The following CDH23 variants were observed in gnomAD, a reference collection of about 807,000 sequenced individuals.
The protein encoded by CDH23 is cadherin related 23.
CDH23 carries 189 observed loss-of-function variants against 317.1 expected under a neutral mutation model. That is an observed-to-expected ratio of 0.60 (90% CI 0.53 to 0.67). The LOEUF (loss-of-function observed/expected upper bound fraction) is 0.67, where lower values mean the gene tolerates loss of function less well. CDH23 is among the 30% of genes least tolerant of loss of function. The pLI is 0.00. For synonymous variants in CDH23, 1,839 were observed against 1,876.8 expected, an observed-to-expected ratio of 0.98 and a Z score of 0.52; for missense variants, 4,401 against 4,592.4, an observed-to-expected ratio of 0.96 and a Z score of 1.20.
intron 11 of CDH23, 100 bp downstream of exon 11, chr10:71,617,493 C>T (rs1232568962): frequency 2.0e-6 from 3 of 1,525,626 alleles, no homozygotes; most frequent in South Asian, 2.4e-5. Flanking sequence ...TAGAAACAAA[C>T]ATTGCGGCAC....
At chr10:71,556,111 A>G (rs939851841) in intron 6 of CDH23, among the ~76,000 whole-genome samples, 2 of 152,210 alleles carry the variant, frequency 1.3e-5, no homozygotes, top group African/African-American at 4.8e-5. Context: ...GAATAGCTGA[A>G]CTGAAATCGA....
chr10:71,493,446 G>A (rs925182646), intron 3 of CDH23, among the ~76,000 whole-genome samples: 20 of 152,210 alleles, frequency 1.3e-4, no homozygotes, highest in East Asian at 3.9e-4. Flanking sequence ...TCATCTGTCC[G>A]TCTGTCCATC....
intron 1 of CDH23, among the ~76,000 whole-genome samples, chr10:71,416,468 T>C (rs574656887): frequency 6.6e-6 from 1 of 152,358 alleles, no homozygotes; most frequent in East Asian, 1.9e-4. Flanking sequence ...GTATATATAT[T>C]TTACATCCAT....
intron 6 of CDH23, among the ~76,000 whole-genome samples, chr10:71,514,988 C>T (rs571835888): frequency 2.6e-5 from 4 of 152,376 alleles, no homozygotes; most frequent in East Asian, 1.9e-4. Flanking sequence ...GTGCCCGCCT[C>T]GCTGACCTTC....
At position 71,797,818 on chromosome 10, in the gene CDH23, C is replaced by T. The variant is rs146536535; in HGVS notation, c.6830-536C>T. ...AGGGGTGGATTTTGTGTGGGCAGAG[C>T]GAGAGTTGAGTGGGGGAAGTGGGGA... On this transcript the variant is annotated intron_variant, in intron 49 of 69. Coordinates refer to ENST00000224721, the MANE Select transcript of CDH23 (RefSeq NM_022124.6). Among the ~76,000 whole-genome samples, 18 of 151,816 alleles carry T rather than the reference C, an allele frequency of 1.2e-4. No individual in the cohort carries two copies. In the East Asian group the frequency reaches 3.3e-3, roughly 28 times the overall value.
chr10:71,600,813 G>C (rs1589251723), intron 9 of CDH23, among the ~76,000 whole-genome samples: 1 of 152,296 alleles, frequency 6.6e-6, no homozygotes, highest in East Asian at 1.9e-4. Flanking sequence ...ACCATGCCCG[G>C]CAGACCACAG....
intron 38 of CDH23, chr10:71,750,041 A>C: frequency 6.6e-6 from 1 of 151,114 alleles, no homozygotes; most frequent in African/African-American, 2.5e-5. Flanking sequence ...TCCCTGTTTT[A>C]CCCCCAGAGT....
At chr10:71,465,185 G>A (rs936206091) in intron 3 of CDH23, among the ~76,000 whole-genome samples, 22 of 152,378 alleles carry the variant, frequency 1.4e-4, no homozygotes, top group African/African-American at 4.6e-4. Context: ...CACATGTGTT[G>A]AGTGGTTACT....
intron 6 of CDH23, among the ~76,000 whole-genome samples, chr10:71,532,219 A>G (rs963714740): frequency 1.3e-5 from 2 of 152,234 alleles, no homozygotes. Context: ...CCCTTGGGCA[A>G]GGAGCCTCTA....
At chr10:71,497,145 G>A (rs1262316089) in intron 3 of CDH23, among the ~76,000 whole-genome samples, 1 of 152,216 alleles carries the variant, frequency 6.6e-6, no homozygotes, top group Non-Finnish European at 1.5e-5. Flanking sequence ...GAACCAGCAT[G>A]TGCCTGCAAG....
At chr10:71,664,234 C>T (rs1863795178) in intron 14 of CDH23, among the ~76,000 whole-genome samples, 2 of 152,222 alleles carry the variant, frequency 1.3e-5, no homozygotes, top group Admixed American at 1.3e-4. Context: ...TTGCTTCCCC[C>T]ACTACGACTT....
intron 11 of CDH23, among the ~76,000 whole-genome samples, chr10:71,633,370 C>T (rs1862108501): frequency 6.6e-6 from 1 of 152,144 alleles, no homozygotes; most frequent in African/African-American, 2.4e-5. Context: ...ATGCCTTTAT[C>T]CCTTCGTCCA....
At chr10:71,733,176 T>C (rs1370713396) in intron 32 of CDH23, among the ~76,000 whole-genome samples, 1 of 152,194 alleles carries the variant, frequency 6.6e-6, no homozygotes, top group African/African-American at 2.4e-5. Flanking sequence ...TACCAAAGTA[T>C]TATGAAGGAT....
chr10:71,479,187 A>G (rs900054131), intron 3 of CDH23, among the ~76,000 whole-genome samples: 3 of 152,094 alleles, frequency 2.0e-5, no homozygotes, highest in Admixed American at 6.5e-5. Context: ...ATTCAAACCC[A>G]GGTTTGGCTG....
At chr10:71,689,139 AG>A (rs1564734111) in intron 19 of CDH23, among the ~76,000 whole-genome samples, 1 of 133,112 alleles carries the variant, frequency 7.5e-6, no homozygotes, top group Non-Finnish European at 1.7e-5. Context: ...TGGTGGAGCC[AG>A]GGGTGGTGGA....
intron 6 of CDH23, among the ~76,000 whole-genome samples, chr10:71,518,444 C>T (rs1178111318): frequency 6.6e-6 from 1 of 152,218 alleles, no homozygotes; most frequent in African/African-American, 2.4e-5. Flanking sequence ...CTCTGGGCCT[C>T]ATGCACAGGC....
chr10:71,517,278 C>T (rs1271891941), intron 6 of CDH23, among the ~76,000 whole-genome samples: 7 of 152,208 alleles, frequency 4.6e-5, no homozygotes, highest in African/African-American at 1.7e-4. Flanking sequence ...ATGTGCCTTG[C>T]ACTCCACTTT....
chr10:71,606,366 G>A (rs1225612343), intron 9 of CDH23, among the ~76,000 whole-genome samples: 1 of 152,228 alleles, frequency 6.6e-6, no homozygotes. Context: ...GGCTGCATCA[G>A]GAGGGTATTA....
intron 10 of CDH23, among the ~76,000 whole-genome samples, chr10:71,616,900 C>T (rs1861217623): frequency 6.6e-6 from 1 of 152,230 alleles, no homozygotes; most frequent in African/African-American, 2.4e-5. Context: ...ACCCCCAGAT[C>T]TGTCTTGTCC....
Sources: allele counts gnomAD v4.1 joint callset (sites outside exome capture counted in the v4.1 genomes callset), GRCh38; gene constraint gnomAD v4.1.1; transcripts MANE v1.5; gene names NCBI Gene and HGNC (gene_info 2026-07-23, HGNC 2026-07-21).